Variants in NKAIN3 observed in about 807,000 individuals in gnomAD.
NKAIN3 encodes sodium/potassium-transporting ATPase subunit beta-1-interacting protein 3.
A neutral mutation model predicts 30.2 loss-of-function variants in NKAIN3; 25 were observed. The observed-to-expected ratio is 0.83, with a 90% CI of 0.60 to 1.16. The LOEUF is 1.16. NKAIN3 is among the 50% of genes most tolerant of loss of function. The pLI, the probability that NKAIN3 is intolerant of heterozygous loss-of-function variation, is 0.00. For synonymous variants in NKAIN3, 91 were observed against 89.6 expected (o/e 1.02, Z -0.09); for missense variants, 225 against 254.1 (o/e 0.89, Z 0.78).
intron 1 of NKAIN3, among the ~76,000 whole-genome samples, chr8:62,467,090 A>C (rs1321708151): frequency 6.6e-6 from 1 of 152,054 alleles, no homozygotes; most frequent in Admixed American, 6.6e-5. Flanking sequence ...ACCCTACAGC[A>C]AGCACAGGAG....
At chr8:62,437,626 A>T (rs1437070513) in intron 1 of NKAIN3, among the ~76,000 whole-genome samples, 1 of 152,214 alleles carries the variant, frequency 6.6e-6, no homozygotes, top group African/African-American at 2.4e-5. Flanking sequence ...AATAAAAACA[A>T]CATTTTAGAA....
chr8:62,549,895 GA>G (rs905570975), intron 1 of NKAIN3, among the ~76,000 whole-genome samples: 1 of 149,414 alleles, frequency 6.7e-6, no homozygotes, highest in Non-Finnish European at 1.5e-5. Flanking sequence ...CTCATGAAAA[GA>G]AAAACTGAGT....
intron 3 of NKAIN3, among the ~76,000 whole-genome samples, chr8:62,715,436 A>G (rs914944097): frequency 1.3e-5 from 2 of 152,188 alleles, no homozygotes; most frequent in South Asian, 2.1e-4. Flanking sequence ...TTGACCCTAA[A>G]TATATTCAAA....
intron 1 of NKAIN3, among the ~76,000 whole-genome samples, chr8:62,339,016 G>A (rs2129590751): frequency 6.6e-6 from 1 of 152,078 alleles, no homozygotes; most frequent in African/African-American, 2.4e-5. Flanking sequence ...GACACAGGGT[G>A]GTCAGAGAGA....
At chr8:62,935,847 CTATT>C (rs767640988) in intron 5 of NKAIN3, among the ~76,000 whole-genome samples, 1 of 152,062 alleles carries the variant, frequency 6.6e-6, no homozygotes, top group Non-Finnish European at 1.5e-5. Flanking sequence ...TCAGCACAGA[CTATT>C]TAATATGTGA....
chr8:62,676,048 A>G (rs1813465722), intron 3 of NKAIN3, among the ~76,000 whole-genome samples: 1 of 152,240 alleles, frequency 6.6e-6, no homozygotes, highest in Admixed American at 6.5e-5. Context: ...TGCCTCTTAC[A>G]TGATAGGCAA....
chr8:62,970,902 C>A lies in NKAIN3; in HGVS notation c.*5495C>A, dbSNP rs536127714. Among the ~76,000 whole-genome samples, 4 of 152,300 alleles carry A rather than the reference C, an allele frequency of 2.6e-5. No individual in the cohort carries two copies. The highest frequency in any genetic ancestry group is 6.8e-3 in the Middle Eastern group (2 of 294). Reference sequence around the variant, plus strand: ...TTCTCATAGAATTTGCTTTGGCAGACAACTTAGTCTATATTAGTTAGGATT... The same window carrying A: ...TTCTCATAGAATTTGCTTTGGCAGAAAACTTAGTCTATATTAGTTAGGATT... On this transcript the variant is annotated 3_prime_UTR_variant, in exon 7 of 7. Coordinates refer to ENST00000623646, the MANE Select transcript of NKAIN3 (RefSeq NM_001304533.3).
At chr8:62,704,437 T>C (rs1333710804) in intron 3 of NKAIN3, among the ~76,000 whole-genome samples, 1 of 152,200 alleles carries the variant, frequency 6.6e-6, no homozygotes, top group Non-Finnish European at 1.5e-5. Context: ...TGTCTGTTTC[T>C]TTCAAGTACT....
At chr8:62,710,011 T>C (rs1467408660) in intron 3 of NKAIN3, among the ~76,000 whole-genome samples, 1 of 152,178 alleles carries the variant, frequency 6.6e-6, no homozygotes, top group African/African-American at 2.4e-5. Flanking sequence ...TTACTAAATT[T>C]CCATGTATTT....
Position 62,873,416 on chromosome 8 carries a change from T to C in NKAIN3, c.472-45037T>C, listed in dbSNP as rs144655328. Among the ~76,000 whole-genome samples the C allele has an allele frequency of 8.4e-4, 126 of 150,340 alleles. 1 individual carries two copies. Among genetic ancestry groups the C allele is most frequent in the African/African-American group, 2.9e-3 (118 of 40,746 alleles). On this transcript the variant is annotated intron_variant, in intron 4 of 6. Coordinates refer to ENST00000623646, the MANE Select transcript of NKAIN3 (RefSeq NM_001304533.3). ...AGATTTTAACACCCCACTGTCAGTA[T>C]CAGACAGATCAAAGAGACAGAAAAT...
At chr8:62,652,024 A>G (rs928263479) in intron 3 of NKAIN3, among the ~76,000 whole-genome samples, 1 of 152,124 alleles carries the variant, frequency 6.6e-6, no homozygotes, top group Admixed American at 6.5e-5. Flanking sequence ...GGTCATAGCA[A>G]CACAAGAATG....
intron 4 of NKAIN3, among the ~76,000 whole-genome samples, chr8:62,866,659 T>G (rs774204015): frequency 1.3e-5 from 2 of 152,164 alleles, no homozygotes; most frequent in Non-Finnish European, 2.9e-5. Flanking sequence ...TCCATTAACA[T>G]TTATCCATAT....
At chr8:62,699,844 T>C (rs914384705) in intron 3 of NKAIN3, among the ~76,000 whole-genome samples, 1 of 152,242 alleles carries the variant, frequency 6.6e-6, no homozygotes, top group African/African-American at 2.4e-5. Context: ...TAGAATCTGC[T>C]GTTTTAAGAA....
chr8:62,276,615 T>A (rs1812972425), intron 1 of NKAIN3, among the ~76,000 whole-genome samples: 1 of 152,190 alleles, frequency 6.6e-6, no homozygotes. Context: ...TCTGTTAAAA[T>A]CACTTTAAAA....
At chr8:62,459,678 A>G (rs1189494335) in intron 1 of NKAIN3, among the ~76,000 whole-genome samples, 1 of 152,236 alleles carries the variant, frequency 6.6e-6, no homozygotes, top group Non-Finnish European at 1.5e-5. Context: ...ATAAATTGAT[A>G]TAAGATCAGA....
intron 6 of NKAIN3, among the ~76,000 whole-genome samples, chr8:62,964,475 G>A (rs1823647878): frequency 6.6e-6 from 1 of 151,832 alleles, no homozygotes; most frequent in African/African-American, 2.4e-5. Context: ...TTGGAGATGG[G>A]GATCTGTATG....
At position 62,806,732 on chromosome 8, in the gene NKAIN3, C is replaced by T. The variant is rs187790068; in HGVS notation, c.471+59603C>T. Among the ~76,000 whole-genome samples, 833 of 151,742 alleles carry T rather than the reference C, an allele frequency of 5.5e-3. 7 individuals carry two copies. The highest frequency in any genetic ancestry group is 0.019 in the African/African-American group (798 of 41,328). ...TGATGAGTTAATGGGTGCAGCACACCAGCATGGCACATGTATACATATGTA... is the reference window on the plus strand; with the variant it reads ...TGATGAGTTAATGGGTGCAGCACACTAGCATGGCACATGTATACATATGTA... On this transcript the variant is annotated intron_variant, in intron 4 of 6. Coordinates refer to ENST00000623646, the MANE Select transcript of NKAIN3 (RefSeq NM_001304533.3).
At chr8:62,878,575 A>G (rs1820872567) in intron 4 of NKAIN3, among the ~76,000 whole-genome samples, 1 of 151,860 alleles carries the variant, frequency 6.6e-6, no homozygotes, top group East Asian at 1.9e-4. Context: ...GGTTTGTTAC[A>G]TGTGTATACA....
At chr8:62,599,747 C>T (rs538188958) in intron 3 of NKAIN3, among the ~76,000 whole-genome samples, 3 of 152,014 alleles carry the variant, frequency 2.0e-5, no homozygotes, top group Admixed American at 1.3e-4. Context: ...TTAATTAAAT[C>T]ATTTCCTTCA....
Sources: gnomAD v4.1 joint callset for allele counts (sites outside exome capture counted in the v4.1 genomes callset) on GRCh38, gnomAD v4.1.1 for gene constraint, MANE v1.5 for transcripts, NCBI Gene and HGNC (gene_info 2026-07-23, HGNC 2026-07-21) for gene names.